The following FUT9 variants were observed in gnomAD, a reference collection of about 807,000 sequenced individuals.
FUT9 encodes 4-galactosyl-N-acetylglucosaminide 3-alpha-L-fucosyltransferase 9.
Under a neutral mutation model 29.7 loss-of-function variants are expected in FUT9, and 15 were observed. That is an observed-to-expected ratio of 0.51 (90% CI 0.34 to 0.78). The LOEUF (loss-of-function observed/expected upper bound fraction) is 0.78, where lower values mean the gene tolerates loss of function less well. Ranked by LOEUF, FUT9 falls within the 30% of genes least tolerant of loss-of-function variation. The pLI, the probability that FUT9 is intolerant of heterozygous loss-of-function variation, is 0.01. For missense variants in FUT9, 319 were observed against 425.4 expected, an observed-to-expected ratio of 0.75 and a Z score of 2.20; for synonymous variants, 169 against 153.7, an observed-to-expected ratio of 1.10 and a Z score of -0.74.
chr6:96,159,159 T>A lies in FUT9; in HGVS notation c.-8-43989T>A, dbSNP rs945633805. On this transcript the variant is annotated intron_variant, in intron 2 of 2. Transcript: ENST00000302103. ...TAGAGAAAATAAAGAGCTACAGAAA[T>A]CGTATTTTTACAAATGTATTCCTTT... 4.6e-5 allele frequency among the ~76,000 whole-genome samples: 7 copies of A among 152,266 alleles called. No individual in the cohort carries two copies. The East Asian group carries it at 1.4e-3, about 29-fold the overall frequency.
intron 2 of FUT9, among the ~76,000 whole-genome samples, chr6:96,122,145 T>G (rs1465010543): frequency 6.6e-6 from 1 of 152,172 alleles, no homozygotes; most frequent in Admixed American, 6.6e-5. Flanking sequence ...GAGCCTTATA[T>G]GAAATTTTAG....
chr6:96,063,180 A>G (rs188525472), intron 1 of FUT9, among the ~76,000 whole-genome samples: 436 of 152,316 alleles, frequency 2.9e-3, no homozygotes, highest in African/African-American at 0.01. Flanking sequence ...AATGAGAAAT[A>G]TAAAAGCTGG....
chr6:96,112,499 T>G (rs1485157696), intron 1 of FUT9, among the ~76,000 whole-genome samples: 1 of 152,204 alleles, frequency 6.6e-6, no homozygotes, highest in Non-Finnish European at 1.5e-5. Context: ...CTAAATTCAG[T>G]GGAAAATTAA....
intron 1 of FUT9, among the ~76,000 whole-genome samples, chr6:96,098,870 G>C (rs1771543006): frequency 6.6e-6 from 1 of 152,102 alleles, no homozygotes; most frequent in African/African-American, 2.4e-5. Flanking sequence ...GCATGGTACT[G>C]TCTGTTACTG....
chr6:96,199,627 A>C (rs1333918456), intron 2 of FUT9, among the ~76,000 whole-genome samples: 1 of 152,166 alleles, frequency 6.6e-6, no homozygotes, highest in African/African-American at 2.4e-5. Context: ...ACAGAGAGGC[A>C]AAACTGGGAG....
intron 2 of FUT9, among the ~76,000 whole-genome samples, chr6:96,193,610 G>A (rs546142987): frequency 3.3e-5 from 5 of 152,152 alleles, no homozygotes; most frequent in African/African-American, 7.2e-5. Flanking sequence ...TGGTGGGACT[G>A]TAAACTAGTT....
At chr6:96,035,760 T>A (rs1480889555) in intron 1 of FUT9, among the ~76,000 whole-genome samples, 4 of 128,910 alleles carry the variant, frequency 3.1e-5, no homozygotes, top group Middle Eastern at 6.5e-3. Flanking sequence ...TAATATAATA[T>A]TATAATTAAA....
chr6:96,117,193 G>T (rs1455644196), intron 2 of FUT9, among the ~76,000 whole-genome samples: 2 of 152,108 alleles, frequency 1.3e-5, no homozygotes, highest in African/African-American at 2.4e-5. Context: ...TCAAAGGAGT[G>T]CAGGTTAGCA....
At chr6:96,176,592 T>C (rs1445496321) in intron 2 of FUT9, among the ~76,000 whole-genome samples, 2 of 152,112 alleles carry the variant, frequency 1.3e-5, no homozygotes, top group Admixed American at 6.6e-5. Flanking sequence ...AACAGTTCCT[T>C]TGGGAAATTT....
chr6:96,109,086 A>G (rs1489802824), intron 1 of FUT9, among the ~76,000 whole-genome samples: 2 of 152,128 alleles, frequency 1.3e-5, no homozygotes, highest in African/African-American at 4.8e-5. Context: ...TGGCTCCATG[A>G]CCTCTTTTGG....
At chr6:96,082,686 T>C (rs2127951287) in intron 1 of FUT9, among the ~76,000 whole-genome samples, 1 of 152,082 alleles carries the variant, frequency 6.6e-6, no homozygotes, top group African/African-American at 2.4e-5. Context: ...TTTTCAATTT[T>C]CTTAAAATCT....
intron 2 of FUT9, among the ~76,000 whole-genome samples, chr6:96,148,401 A>G (rs1448436533): frequency 6.6e-6 from 1 of 152,226 alleles, no homozygotes; most frequent in Non-Finnish European, 1.5e-5. Context: ...AAGGTGGATA[A>G]TTAAAATGAG....
chr6:96,204,474 C>A lies in FUT9; in HGVS notation c.*239C>A. The A allele has an allele frequency of 3.4e-6, 1 of 296,102 alleles. No individual in the cohort carries two copies. The highest frequency in any genetic ancestry group is 2.2e-5 in the African/African-American group (1 of 46,086). 18.3% of individuals were successfully genotyped at this position (296,102 alleles called of 1,614,324 possible). On this transcript the variant is annotated 3_prime_UTR_variant, in exon 3 of 3. Coordinates refer to ENST00000302103, the MANE Select transcript of FUT9 (RefSeq NM_006581.4). ...GTGCACTGGAGAGTAATTTATTCTTCATTATCATTTGTAAACATTGTTTTT... is the reference window on the plus strand; with the variant it reads ...GTGCACTGGAGAGTAATTTATTCTTAATTATCATTTGTAAACATTGTTTTT...
At chr6:96,134,027 C>T (rs1772300822) in intron 2 of FUT9, among the ~76,000 whole-genome samples, 1 of 150,862 alleles carries the variant, frequency 6.6e-6, no homozygotes, top group African/African-American at 2.4e-5. Context: ...TAGAAGCCCA[C>T]AAAATATGAT....
intron 1 of FUT9, among the ~76,000 whole-genome samples, chr6:96,069,220 C>A (rs1198674252): frequency 3.3e-5 from 5 of 151,876 alleles, no homozygotes; most frequent in Non-Finnish European, 7.4e-5. Context: ...GAGGCACAGG[C>A]AGGAGCATTG....
At chr6:96,028,864 A>G (rs1454287077) in intron 1 of FUT9, among the ~76,000 whole-genome samples, 1 of 151,616 alleles carries the variant, frequency 6.6e-6, no homozygotes, top group Admixed American at 6.6e-5. Flanking sequence ...GAAGTTATCT[A>G]TTTTAATAAT....
intron 1 of FUT9, among the ~76,000 whole-genome samples, chr6:96,071,917 G>A (rs1771069977): frequency 6.6e-6 from 1 of 152,048 alleles, no homozygotes; most frequent in African/African-American, 2.4e-5. Flanking sequence ...TTATAGGCGT[G>A]AGCCACCACA....
chr6:96,095,496 A>G (rs1407777264), intron 1 of FUT9, among the ~76,000 whole-genome samples: 3 of 152,108 alleles, frequency 2.0e-5, no homozygotes, highest in Non-Finnish European at 4.4e-5. Flanking sequence ...ATTCAGACAA[A>G]GTATCAGTCC....
At chr6:96,110,135 A>G (rs563485321) in intron 1 of FUT9, among the ~76,000 whole-genome samples, 21 of 152,208 alleles carry the variant, frequency 1.4e-4, no homozygotes, top group African/African-American at 4.8e-4. Flanking sequence ...CCTTTCCATC[A>G]GGTGCTGGCA....
Sources: allele counts gnomAD v4.1 joint callset (sites outside exome capture counted in the v4.1 genomes callset), GRCh38; gene constraint gnomAD v4.1.1; transcripts MANE v1.5; gene names NCBI Gene and HGNC (gene_info 2026-07-23, HGNC 2026-07-21).